The following SORBS2 variants were observed in gnomAD, a reference collection of about 807,000 sequenced individuals.
SORBS2 encodes the protein sorbin and SH3 domain containing 2.
In SORBS2, 46 loss-of-function variants were observed where a neutral mutation model predicts 97.7. The observed-to-expected ratio is 0.47, with a 90% CI of 0.37 to 0.60. The LOEUF is 0.60. Among genes scored for constraint, SORBS2 ranks in the 20% least tolerant of loss-of-function variants. The pLI is 0.00. For missense variants in SORBS2, 1,316 were observed against 1,282.3 expected (o/e 1.03, Z -0.40); for synonymous variants, 476 against 473.4 (o/e 1.01, Z -0.07).
chr4:185,759,556 A>G (rs1253618836), intron 2 of SORBS2, among the ~76,000 whole-genome samples: 1 of 152,306 alleles, frequency 6.6e-6, no homozygotes, highest in African/African-American at 2.4e-5. Flanking sequence ...ATGATGGTGA[A>G]TGAATAGAGA....
In SORBS2 at chr4:185,606,688, T is replaced by G. The variant is rs1307226783; in HGVS notation, c.2796+5092A>C. On this transcript the variant is annotated intron_variant, in intron 12 of 14. Coordinates refer to ENST00000418609, the Ensembl canonical transcript of SORBS2. The surrounding 1 kb of genome is among the most constrained non-coding windows in gnomAD (Gnocchi z 4.3). ...GCAGTTGGGTTTCTCCTCCTCCTCC[T>G]CCTCTTCAATGTGCAGGTGTGGGGT... 1 of 985,158 alleles carries G rather than the reference T, an allele frequency of 1.0e-6. No individual in the cohort carries two copies. Among genetic ancestry groups the G allele is most frequent in the Non-Finnish European group, 1.2e-6 (1 of 829,914 alleles). The allele number at this position is 985,158 out of a possible 1,614,324, so 61.0% of individuals were successfully genotyped here.
chr4:185,881,513 G>A (rs2099236863), intron 1 of SORBS2, among the ~76,000 whole-genome samples: 1 of 152,096 alleles, frequency 6.6e-6, no homozygotes, highest in African/African-American at 2.4e-5. Flanking sequence ...CAAGAAAAAA[G>A]AAAGGCATCT....
chr4:185,799,601 C>T (rs986685869), intron 1 of SORBS2, among the ~76,000 whole-genome samples: 1 of 152,178 alleles, frequency 6.6e-6, no homozygotes, highest in African/African-American at 2.4e-5. Flanking sequence ...TACACATGTA[C>T]CTGGCTTCTC....
chr4:185,622,937 T>C, exon 7 of SORBS2: 8 of 1,610,886 alleles, frequency 5.0e-6, no homozygotes, highest in Non-Finnish European at 5.9e-6. Flanking sequence ...GCCACGGTCT[T>C]GGTGGTGGCA....
chr4:185,631,231 C>T (rs1382696221), intron 4 of SORBS2, among the ~76,000 whole-genome samples: 3 of 152,190 alleles, frequency 2.0e-5, no homozygotes, highest in Non-Finnish European at 4.4e-5. Flanking sequence ...TAGGTGAGTT[C>T]AGGGCTAGTT....
intron 12 of SORBS2, among the ~76,000 whole-genome samples, chr4:185,604,152 T>A (rs1290861333): frequency 6.6e-6 from 1 of 152,232 alleles, no homozygotes; most frequent in Admixed American, 6.5e-5. Flanking sequence ...TTCTCCTCAA[T>A]CTGGGTATAG....
chr4:185,739,749 T>C (rs1380931290), intron 2 of SORBS2, among the ~76,000 whole-genome samples: 1 of 152,210 alleles, frequency 6.6e-6, no homozygotes, highest in Non-Finnish European at 1.5e-5. Flanking sequence ...AAAGAGCACA[T>C]GGCACTGATT....
intron 12 of SORBS2, among the ~76,000 whole-genome samples, chr4:185,594,202 G>A (rs975447023): frequency 2.2e-4 from 33 of 152,150 alleles, no homozygotes; most frequent in Admixed American, 9.2e-4. Flanking sequence ...AAAAGTCAGG[G>A]TTTGGTCCCA....
At chr4:185,634,749 G>A (rs1581453352) in intron 4 of SORBS2, among the ~76,000 whole-genome samples, 1 of 151,916 alleles carries the variant, frequency 6.6e-6, no homozygotes, top group African/African-American at 2.4e-5. Flanking sequence ...CATTTTATAT[G>A]CCAATGATAA....
intron 1 of SORBS2, among the ~76,000 whole-genome samples, chr4:185,886,756 G>A (rs778400140): frequency 6.6e-5 from 10 of 152,020 alleles, no homozygotes; most frequent in Non-Finnish European, 1.2e-4. Context: ...CCGGGACTTG[G>A]GAGACGTAAA....
chr4:185,848,747 G>A (rs1157908480), intron 1 of SORBS2, among the ~76,000 whole-genome samples: 4 of 148,894 alleles, frequency 2.7e-5, no homozygotes, highest in Non-Finnish European at 3.0e-5. Flanking sequence ...CAAGTAGCTG[G>A]GACTACAGGC....
Position 185,607,287 on chromosome 4 carries a change from T to A in SORBS2, c.2796+4493A>T. On this transcript the variant is annotated intron_variant, in intron 12 of 14. Coordinates refer to ENST00000418609, the Ensembl canonical transcript of SORBS2. The surrounding 1 kb of genome is among the most constrained non-coding windows in gnomAD (Gnocchi z 5.2). ...AGCCCTGGCCAGTTCCCTGGAGAGC[T>A]CCTTTATCTGAGCCAGGTGAGACTT... 1 of 1,280,210 alleles carries A rather than the reference T, an allele frequency of 7.8e-7. No individual in the cohort carries two copies. The highest frequency in any genetic ancestry group is 5.9e-5 in the East Asian group (1 of 17,062). The allele number at this position is 1,280,210 out of a possible 1,614,324, so 79.3% of individuals were successfully genotyped here. A position where few individuals can be genotyped will look rare whatever the true frequency, so the allele number is the denominator to read the frequency against.
chr4:185,725,750 C>G (rs1385213272), intron 2 of SORBS2, among the ~76,000 whole-genome samples: 2 of 152,070 alleles, frequency 1.3e-5, no homozygotes, highest in African/African-American at 2.4e-5. Flanking sequence ...TTCATTGGCT[C>G]TCCTGTCCCT....
At chr4:185,929,827 C>T (rs748626662) in intron 1 of SORBS2, among the ~76,000 whole-genome samples, 2 of 152,160 alleles carry the variant, frequency 1.3e-5, no homozygotes, top group African/African-American at 2.4e-5. Flanking sequence ...AGCCACTGTG[C>T]CTGGCCGCAA....
chr4:185,820,016 A>T (rs768228433), intron 1 of SORBS2, among the ~76,000 whole-genome samples: 1 of 152,228 alleles, frequency 6.6e-6, no homozygotes. Context: ...AATTAAATCC[A>T]TTAATTAGCA....
intron 2 of SORBS2, among the ~76,000 whole-genome samples, chr4:185,724,502 G>A (rs756346529): frequency 2.9e-4 from 44 of 152,178 alleles, no homozygotes; most frequent in Admixed American, 6.5e-4. Flanking sequence ...TGAGAACTCC[G>A]GTGGGTGTTC....
At chr4:185,683,014 CAAA>C (rs35410308) in intron 2 of SORBS2, among the ~76,000 whole-genome samples, 7 of 109,434 alleles carry the variant, frequency 6.4e-5, no homozygotes, top group Non-Finnish European at 9.5e-5. Context: ...CCACCCGTCT[CAAA>C]AAAAAAAAAA....
rs372810445 is a variant in SORBS2, at chr4:185,738,409, G to A, written c.-198+36818C>T. Among the ~76,000 whole-genome samples the A allele has an allele frequency of 2.5e-4, 38 of 152,280 alleles. No homozygotes were observed. In the South Asian group the frequency reaches 4.1e-3, roughly 17 times the overall value. On this transcript the variant is annotated intron_variant, in intron 2 of 20. Transcript: ENST00000284776. Reference sequence around the variant, plus strand: ...GGATTCATAAAGCCGATCCCAGCCCGGAGATTTTCCTTTTCCCAAAACAGA... The same window carrying A: ...GGATTCATAAAGCCGATCCCAGCCCAGAGATTTTCCTTTTCCCAAAACAGA...
intron 1 of SORBS2, among the ~76,000 whole-genome samples, chr4:185,895,532 T>C (rs2099244594): frequency 6.6e-6 from 1 of 152,230 alleles, no homozygotes; most frequent in African/African-American, 2.4e-5. Context: ...GGGCGACACC[T>C]GGTGCTGCAT....
Sources: allele counts gnomAD v4.1 joint callset (sites outside exome capture counted in the v4.1 genomes callset), GRCh38; gene constraint gnomAD v4.1.1; non-coding constraint Gnocchi (gnomAD v3.1); transcripts MANE v1.5; gene names NCBI Gene and HGNC (gene_info 2026-07-23, HGNC 2026-07-21).